Variants in PPP1R21 observed in about 807,000 individuals in gnomAD.
PPP1R21 encodes the protein protein phosphatase 1 regulatory subunit 21.
A neutral mutation model predicts 112.8 loss-of-function variants in PPP1R21; 85 were observed. The observed-to-expected ratio is 0.75, with a 90% CI of 0.63 to 0.90. The LOEUF (loss-of-function observed/expected upper bound fraction) is 0.90, where lower values mean the gene tolerates loss of function less well. Among genes scored for constraint, PPP1R21 ranks in the 40% least tolerant of loss-of-function variants. The pLI is 0.00. For synonymous variants in PPP1R21, 381 were observed against 322.3 expected, an observed-to-expected ratio of 1.18 and a Z score of -1.95; for missense variants, 1,199 against 901.5, an observed-to-expected ratio of 1.33 and a Z score of -4.23.
intron 13 of PPP1R21, among the ~76,000 whole-genome samples, chr2:48,485,842 CATAT>C (rs992296544): frequency 3.4e-5 from 5 of 148,174 alleles, no homozygotes; most frequent in South Asian, 4.2e-4. Context: ...TTGTGATTGA[CATAT>C]ATATAGTTGT....
Position 48,499,942 on chromosome 2 carries a change from TAACA to T in PPP1R21, c.1935+1212_1935+1215del, listed in dbSNP as rs567259667. 1.1e-3 allele frequency among the ~76,000 whole-genome samples: 170 copies of T among 152,316 alleles called. 1 individual carries two copies. The highest frequency in any genetic ancestry group is 3.9e-3 in the African/African-American group (164 of 41,564). ...AGGAGTCTTTTAGGTGTATTTTTTT[TAACA>T]AACATTTTTTTTACAAGCTTGAGGA... On this transcript the variant is annotated intron_variant, in intron 17 of 21. Coordinates refer to ENST00000294952, the MANE Select transcript of PPP1R21 (RefSeq NM_001135629.3).
At chr2:48,463,337 C>G (rs919375103) in intron 7 of PPP1R21, among the ~76,000 whole-genome samples, 1 of 152,114 alleles carries the variant, frequency 6.6e-6, no homozygotes, top group East Asian at 1.9e-4. Flanking sequence ...GTCAGTTCTG[C>G]GCATTGCTGT....
chr2:48,448,767 G>A (rs1367357580), intron 1 of PPP1R21, among the ~76,000 whole-genome samples: 3 of 152,176 alleles, frequency 2.0e-5, no homozygotes, highest in Admixed American at 6.5e-5. Context: ...ACATTAAAGT[G>A]GTATTTCTCT....
intron 21 of PPP1R21, among the ~76,000 whole-genome samples, chr2:48,512,338 T>G (rs1572904180): frequency 6.6e-6 from 1 of 152,306 alleles, no homozygotes; most frequent in South Asian, 2.1e-4. Context: ...AGGTAAACTT[T>G]GGGAGGCCAG....
intron 15 of PPP1R21, 52 bp from the exon 16 acceptor site, chr2:48,495,624 AGGG>A: frequency 1.1e-6 from 1 of 915,264 alleles, no homozygotes; most frequent in South Asian, 1.3e-5. Context: ...TGTTGGATGC[AGGG>A]GAGGGGTGAT....
intron 6 of PPP1R21, among the ~76,000 whole-genome samples, chr2:48,460,721 G>A (rs891414526): frequency 7.0e-5 from 9 of 128,504 alleles, no homozygotes; most frequent in African/African-American, 2.7e-4. Flanking sequence ...ACCAAACACA[G>A]AAAGAGTTCA....
At chr2:48,492,373 A>G (rs1669607304) in intron 15 of PPP1R21, among the ~76,000 whole-genome samples, 2 of 150,416 alleles carry the variant, frequency 1.3e-5, no homozygotes, top group African/African-American at 4.9e-5. Flanking sequence ...TCCCAAATGC[A>G]TGTTTCATTT....
chr2:48,506,583 T>A (rs941030282), intron 18 of PPP1R21, among the ~76,000 whole-genome samples: 1 of 152,190 alleles, frequency 6.6e-6, no homozygotes, highest in Non-Finnish European at 1.5e-5. Flanking sequence ...TGTCATTGTT[T>A]GAGTAACTAG....
At chr2:48,472,643 A>T (rs1178458103) in intron 11 of PPP1R21, among the ~76,000 whole-genome samples, 1 of 151,614 alleles carries the variant, frequency 6.6e-6, no homozygotes, top group Non-Finnish European at 1.5e-5. Flanking sequence ...AAAAAAGGTT[A>T]ATTACTTACA....
At position 48,490,369 on chromosome 2, in the gene PPP1R21, A is replaced by G. The variant is rs561143091; in HGVS notation, c.1447-649A>G. ...ACACATGTTGAAGTCACTTTAAAGTACTTGTTGAGATACAAAACCACAGAG... is the reference window on the plus strand; with the variant it reads ...ACACATGTTGAAGTCACTTTAAAGTGCTTGTTGAGATACAAAACCACAGAG... On this transcript the variant is annotated intron_variant, in intron 14 of 21. Transcript: ENST00000294952. Among the ~76,000 whole-genome samples, 379 of 152,334 alleles carry G rather than the reference A, an allele frequency of 2.5e-3. 2 individuals carry two copies. The highest frequency in any genetic ancestry group is 4.0e-3 in the Admixed American group (61 of 15,306).
At chr2:48,452,547 A>G (rs1433306160) in intron 2 of PPP1R21, among the ~76,000 whole-genome samples, 1 of 150,690 alleles carries the variant, frequency 6.6e-6, no homozygotes, top group African/African-American at 2.4e-5. Context: ...ATTATGAGAA[A>G]AATAAATTAT....
intron 11 of PPP1R21, among the ~76,000 whole-genome samples, chr2:48,474,426 G>A (rs1030444992): frequency 1.3e-5 from 2 of 152,218 alleles, no homozygotes; most frequent in Admixed American, 6.5e-5. Flanking sequence ...AATGTTTTGT[G>A]TTGCTCTCAG....
chr2:48,502,882 T>A (rs11689288), intron 17 of PPP1R21, among the ~76,000 whole-genome samples: 1 of 151,714 alleles, frequency 6.6e-6, no homozygotes, highest in African/African-American at 2.4e-5. Context: ...GGGTTTCACT[T>A]TGTTAGCCAG....
At chr2:48,457,889 C>T (rs1667795050) in intron 3 of PPP1R21, 1 of 437,520 alleles carries the variant, frequency 2.3e-6, no homozygotes, top group African/African-American at 2.0e-5. Flanking sequence ...AATAGTAAGC[C>T]TTATCTGTTC....
rs566443932 is a variant in PPP1R21, at chr2:48,471,662, G to A, written c.1088+295G>A. 8.5e-5 allele frequency among the ~76,000 whole-genome samples: 13 copies of A among 152,156 alleles called. No individual in the cohort carries two copies. The South Asian group carries it at 2.3e-3, about 27-fold the overall frequency. On this transcript the variant is annotated intron_variant, in intron 11 of 21. Coordinates refer to ENST00000294952, the MANE Select transcript of PPP1R21 (RefSeq NM_001135629.3). ...GGTGTTCATAATAGTTTCCTTCTAC[G>A]TTAGGATCTATAAATTTTAGGTTTC...
chr2:48,462,662 A>G (rs915043960), intron 7 of PPP1R21, among the ~76,000 whole-genome samples: 2 of 152,192 alleles, frequency 1.3e-5, no homozygotes, highest in Admixed American at 6.5e-5. Flanking sequence ...TCTGAAAGGT[A>G]TGGTGGGACT....
intron 9 of PPP1R21, among the ~76,000 whole-genome samples, chr2:48,466,522 T>A (rs890225012): frequency 1.3e-5 from 2 of 152,088 alleles, no homozygotes; most frequent in Non-Finnish European, 2.9e-5. Context: ...CCACTGTGCC[T>A]GGCCCTTGGG....
intron 14 of PPP1R21, among the ~76,000 whole-genome samples, chr2:48,489,116 A>G (rs958449391): frequency 6.6e-6 from 1 of 152,346 alleles, no homozygotes; most frequent in Admixed American, 6.5e-5. Context: ...ATTTTTGCCA[A>G]AGTAGAATAC....
At chr2:48,455,578 T>C (rs1667684448) in intron 3 of PPP1R21, among the ~76,000 whole-genome samples, 1 of 152,150 alleles carries the variant, frequency 6.6e-6, no homozygotes, top group Admixed American at 6.5e-5. Flanking sequence ...TAGGAGCAAA[T>C]GTAGTTGGTT....
Sources: allele counts gnomAD v4.1 joint callset (sites outside exome capture counted in the v4.1 genomes callset), GRCh38; gene constraint gnomAD v4.1.1; transcripts MANE v1.5; gene names NCBI Gene and HGNC (gene_info 2026-07-23, HGNC 2026-07-21).